Variants in UBE2E1 observed in about 807,000 individuals in gnomAD.
UBE2E1 encodes ubiquitin conjugating enzyme E2 E1, also known as ubiquitin-conjugating enzyme E2 E1.
UBE2E1 carries 6 observed loss-of-function variants against 21.4 expected under a neutral mutation model. The ratio of observed to expected loss-of-function variants is 0.28; its 90% CI spans 0.15 to 0.55. The LOEUF (loss-of-function observed/expected upper bound fraction) is 0.55. UBE2E1 is among the 20% of genes least tolerant of loss of function. UBE2E1 has a pLI of 0.93. For missense variants in UBE2E1, 142 were observed against 236.5 expected, an observed-to-expected ratio of 0.60 and a Z score of 2.62; for synonymous variants, 87 against 82.7, an observed-to-expected ratio of 1.05 and a Z score of -0.28.
intron 3 of UBE2E1, among the ~76,000 whole-genome samples, chr3:23,830,631 T>A (rs1699848296): frequency 6.6e-6 from 1 of 152,230 alleles, no homozygotes; most frequent in Non-Finnish European, 1.5e-5. Context: ...ATCCAGCCAC[T>A]GCTTTTTCTC....
chr3:23,824,569 G>T (rs139087997), intron 3 of UBE2E1, among the ~76,000 whole-genome samples: 212 of 152,272 alleles, frequency 1.4e-3, no homozygotes, highest in African/African-American at 5.0e-3. Context: ...TCATCTTTCA[G>T]TTCTGTAGCT....
rs960725473 is a variant in UBE2E1 at position 23,823,061 on chromosome 3, A to G, written c.203+11551A>G. On this transcript the variant is annotated intron_variant, in intron 3 of 5. Coordinates refer to ENST00000306627, the MANE Select transcript of UBE2E1 (RefSeq NM_003341.5). This position sits in a 1 kb window ranked among gnomAD's most constrained non-coding sequence, Gnocchi z 4.2. ...GGGGTTTCACCATGTTGGCCAGGCT[A>G]GTCGAAAACTCCTGACCTTGTGATC... is the stretch of plus-strand genomic sequence containing the variant. Among the ~76,000 whole-genome samples the G allele has an allele frequency of 6.6e-6, 1 of 152,198 alleles. No homozygotes were observed. The highest frequency in any genetic ancestry group is 2.4e-5 in the African/African-American group (1 of 41,534).
chr3:23,889,802 A>ATTGT (rs1261909685), intron 5 of UBE2E1: 3 of 979,462 alleles, frequency 3.1e-6, no homozygotes, highest in African/African-American at 3.5e-5. Flanking sequence ...AGGTGTCAGG[A>ATTGT]TTGTTTGAAC....
intron 3 of UBE2E1, among the ~76,000 whole-genome samples, chr3:23,849,080 C>G (rs1700268574): frequency 6.6e-6 from 1 of 152,196 alleles, no homozygotes; most frequent in Admixed American, 6.5e-5. Context: ...CATGAACATT[C>G]ATGTGCAAGT....
intron 3 of UBE2E1, among the ~76,000 whole-genome samples, chr3:23,838,153 A>G (rs1467840488): frequency 6.6e-6 from 1 of 151,998 alleles, no homozygotes; most frequent in Non-Finnish European, 1.5e-5. Context: ...CTGCAGTCTC[A>G]GCCTCCCGGG....
In UBE2E1 at chr3:23,823,983, A is replaced by T. The variant is rs2125288862; in HGVS notation, c.203+12473A>T. 6.6e-6 allele frequency among the ~76,000 whole-genome samples: 1 copy of T among 152,320 alleles called. No homozygotes were observed. The highest frequency in any genetic ancestry group is 1.9e-4 in the East Asian group (1 of 5,184). ...TGAGATGTTCTCACATCCAAAGTAA[A>T]CACTGTCAAGTGATTTGGACCAGTC... is the stretch of plus-strand genomic sequence containing the variant. On this transcript the variant is annotated intron_variant, in intron 3 of 5. Transcript: ENST00000306627. The surrounding 1 kb of genome is among the most constrained non-coding windows in gnomAD (Gnocchi z 4.2).
intron 3 of UBE2E1, among the ~76,000 whole-genome samples, chr3:23,822,402 A>T (rs1008993777): frequency 6.6e-6 from 1 of 152,196 alleles, no homozygotes; most frequent in African/African-American, 2.4e-5. Context: ...AACATAGTAT[A>T]TATAATTTTG....
At chr3:23,885,074 G>A (rs1441734242) in intron 3 of UBE2E1, among the ~76,000 whole-genome samples, 1 of 152,188 alleles carries the variant, frequency 6.6e-6, no homozygotes, top group African/African-American at 2.4e-5. Context: ...AGTTCTGGAG[G>A]CTAGAAATAT....
At chr3:23,878,598 T>G (rs1700970317) in intron 3 of UBE2E1, among the ~76,000 whole-genome samples, 1 of 152,204 alleles carries the variant, frequency 6.6e-6, no homozygotes, top group Non-Finnish European at 1.5e-5. Context: ...CTGCCTGAGC[T>G]CCGCCTCCTG....
At position 23,845,589 on chromosome 3, in the gene UBE2E1, C is replaced by CTGTGTGTGTG. The variant is rs377458829; in HGVS notation, c.203+34097_203+34106dup. Among the ~76,000 whole-genome samples, 77 of 121,348 alleles carry CTGTGTGTGTG rather than the reference C, an allele frequency of 6.3e-4. 1 individual carries two copies. Among genetic ancestry groups the CTGTGTGTGTG allele is most frequent in the South Asian group, 1.3e-3 (4 of 3,110 alleles). The allele number at this position is 121,348 out of a possible 152,430, so 79.6% of individuals were successfully genotyped here. Reference sequence around the variant, plus strand: ...TCTCTCTCTCTCTCTCTCTCTCTCTCTGTGTGTGTGTGTGTGTGTGTGTGT... The same window carrying CTGTGTGTGTG: ...TCTCTCTCTCTCTCTCTCTCTCTCTCTGTGTGTGTGTGTGTGTGTGTGTGTGTGTGTGTGT... On this transcript the variant is annotated intron_variant, in intron 3 of 5. Transcript: ENST00000306627.
intron 3 of UBE2E1, among the ~76,000 whole-genome samples, chr3:23,883,057 C>T (rs112194923): frequency 1.8e-4 from 27 of 152,136 alleles, no homozygotes; most frequent in African/African-American, 5.1e-4. Context: ...GCACCAAGAG[C>T]GAGCGAGGGC....
intron 3 of UBE2E1, among the ~76,000 whole-genome samples, chr3:23,850,652 A>G (rs186989529): frequency 1.5e-4 from 22 of 146,868 alleles, no homozygotes; most frequent in Non-Finnish European, 3.1e-4. Flanking sequence ...GACTACATGC[A>G]TGCACCACTG....
intron 3 of UBE2E1, among the ~76,000 whole-genome samples, chr3:23,877,125 A>T (rs4858094): frequency 0.76 from 115,922 of 152,124 alleles, 44,670 homozygotes; most frequent in African/African-American, 0.83. Flanking sequence ...GCACATTGAT[A>T]GGGTCTGAGG....
chr3:23,854,769 G>A (rs571172612), intron 3 of UBE2E1, among the ~76,000 whole-genome samples: 5 of 152,286 alleles, frequency 3.3e-5, no homozygotes, highest in South Asian at 2.1e-4. Context: ...TGTTAAATAC[G>A]TAGGATTATG....
At chr3:23,879,615 C>T in intron 3 of UBE2E1, 1 of 222,992 alleles carries the variant, frequency 4.5e-6, no homozygotes, top group Non-Finnish European at 9.1e-6. Context: ...CACTCAGCGT[C>T]TGTCCTAACA....
intron 3 of UBE2E1, among the ~76,000 whole-genome samples, chr3:23,844,175 T>C (rs1394327654): frequency 6.6e-6 from 1 of 152,172 alleles, no homozygotes; most frequent in Non-Finnish European, 1.5e-5. Context: ...CTTCCCCCAG[T>C]AAAGGTTGAT....
chr3:23,848,976 T>C (rs1312058242), intron 3 of UBE2E1, among the ~76,000 whole-genome samples: 2 of 152,250 alleles, frequency 1.3e-5, no homozygotes, highest in Non-Finnish European at 2.9e-5. Context: ...TTTTTATGGC[T>C]GAATAATACA....
intron 3 of UBE2E1, among the ~76,000 whole-genome samples, chr3:23,814,126 G>T (rs1288250850): frequency 6.6e-6 from 1 of 152,034 alleles, no homozygotes; most frequent in Non-Finnish European, 1.5e-5. Flanking sequence ...ATGCACTCCA[G>T]CCTGGGCGAC....
At chr3:23,868,378 C>T (rs191211130) in intron 3 of UBE2E1, among the ~76,000 whole-genome samples, 29 of 152,164 alleles carry the variant, frequency 1.9e-4, no homozygotes, top group African/African-American at 6.0e-4. Context: ...GACACGATCT[C>T]ACTCACTGCA....
Sources: gnomAD v4.1 joint callset for allele counts (sites outside exome capture counted in the v4.1 genomes callset) on GRCh38, gnomAD v4.1.1 for gene constraint, Gnocchi (gnomAD v3.1) non-coding constraint, MANE v1.5 for transcripts, NCBI Gene and HGNC (gene_info 2026-07-23, HGNC 2026-07-21) for gene names.